KERA: variants seen among roughly 807,000 people sequenced by gnomAD.
The protein encoded by KERA is keratan sulfate proteoglycan keratocan.
KERA carries 25 observed loss-of-function variants against 26.4 expected under a neutral mutation model. That is an observed-to-expected ratio of 0.95 (90% CI 0.69 to 1.32). KERA has a LOEUF of 1.32. KERA is among the 40% of genes most tolerant of loss of function. The probability of loss-of-function intolerance (pLI) is 0.00; values close to 1 mark genes in which losing one functional copy is unlikely to be tolerated. For synonymous variants in KERA, 167 were observed against 146.1 expected (o/e 1.14, Z -1.03); for missense variants, 434 against 408.9 (o/e 1.06, Z -0.53).
Position 91,055,390 on chromosome 12 carries a change from A to G in KERA, c.886+6T>C. The G allele has an allele frequency of 6.2e-7, 1 of 1,608,190 alleles. No individual in the cohort carries two copies. The highest frequency in any genetic ancestry group is 8.5e-7 in the Non-Finnish European group (1 of 1,175,672). Reference sequence around the variant, plus strand: ...TAGTCAAAGACATACTCTGCAGGTTACTTACTTTTAATTTTGTTATGATCA... The same window carrying G: ...TAGTCAAAGACATACTCTGCAGGTTGCTTACTTTTAATTTTGTTATGATCA... On this transcript the variant is annotated splice_donor_region_variant and intron_variant, in intron 2 of 2. Coordinates refer to ENST00000266719, the MANE Select transcript of KERA (RefSeq NM_007035.4).
intron 2 of KERA, among the ~76,000 whole-genome samples, chr12:91,053,677 G>A (rs1182913529): frequency 6.6e-6 from 1 of 151,246 alleles, no homozygotes; most frequent in African/African-American, 2.4e-5. Context: ...ATTTGAGAAC[G>A]ATAGAAAATT....
In KERA at chr12:91,055,924, G is replaced by C. The variant is rs769519108; in HGVS notation, c.358C>G (p.Leu120Val). 2 of 1,611,130 alleles carry C rather than the reference G, an allele frequency of 1.2e-6. No individual in the cohort carries two copies. Among genetic ancestry groups the C allele is most frequent in the African/African-American group, 2.7e-5 (2 of 74,748 alleles). ...AGAAATAAGAAGAGCAACTTCTTCA[G>C]CTGGCTTAGGGCTCCTTTTTCAATT... Reference protein sequence around the residue: ...YGIEKGALSQLKKLLFLFLED... With the variant: ...YGIEKGALSQVKKLLFLFLED... Residue 120 changes from leucine (L) to valine (V), a missense_variant, in exon 2 of 3, where the codon CTG (leucine) becomes GTG (valine). Transcript: ENST00000266719.
chr12:91,053,986 A>G (rs528594115), intron 2 of KERA, among the ~76,000 whole-genome samples: 1 of 151,474 alleles, frequency 6.6e-6, no homozygotes. Context: ...TTATGTATTT[A>G]GGTCAATATT....
intron 2 of KERA, among the ~76,000 whole-genome samples, chr12:91,052,468 A>G (rs1878892029): frequency 6.6e-6 from 1 of 151,648 alleles, no homozygotes; most frequent in Admixed American, 6.6e-5. Context: ...ATATAGATTC[A>G]TATTGTAGTG....
chr12:91,056,039 G>T lies in KERA; in HGVS notation c.243C>A (p.Asn81Lys), dbSNP rs377426809. 15 of 1,609,108 alleles carry T rather than the reference G, an allele frequency of 9.3e-6. No homozygotes were observed. The highest frequency in any genetic ancestry group is 1.3e-5 in the Non-Finnish European group (15 of 1,177,720). The change falls in exon 2 of 3, where the codon AAC (asparagine) becomes AAA (lysine). Residue 81 changes from asparagine to lysine, a missense_variant. Physicochemically the swap from Asn to Lys is moderately conservative, Grantham distance 94. Transcript: ENST00000266719. ...GCTTTTCAGGAATGGTTTCTATCAG[G>T]TTGTTTTGAAGATAAAGATACCAAA... ...SRIWYLYLQN[N>K]LIETIPEKPF...
Position 91,051,492 on chromosome 12 carries a change from T to C in KERA, c.913A>G (p.Ser305Gly), listed in dbSNP as rs1158873053. The C allele has an allele frequency of 7.5e-6, 12 of 1,610,184 alleles. No individual in the cohort carries two copies. The South Asian group carries it at 1.3e-4, about 18-fold the overall frequency. Residue 305 changes from serine (S) to glycine (G), a missense_variant, in exon 3 of 3, where the codon AGC becomes GGC. Coordinates refer to ENST00000266719, the MANE Select transcript of KERA (RefSeq NM_007035.4). ...CGTTCTGCAGGCAGCATGGATGGGC[T>C]GGGACATATTACAGAGACATTCACA... Reference protein sequence around the residue: ...KSVNVSVICPSPSMLPAERDS... With the variant: ...KSVNVSVICPGPSMLPAERDS...
chr12:91,051,739 T>G (rs1454554356), intron 2 of KERA, among the ~76,000 whole-genome samples: 1 of 151,652 alleles, frequency 6.6e-6, no homozygotes, highest in Non-Finnish European at 1.5e-5. Context: ...CATGTTCTGC[T>G]ACTTAGTATA....
At chr12:91,055,243 C>T (rs78457439) in intron 2 of KERA, among the ~76,000 whole-genome samples, 153 bp downstream of exon 2, 4,003 of 150,794 alleles carry the variant, frequency 0.027, 183 homozygotes, top group African/African-American at 0.091. Flanking sequence ...TGCGTATAGA[C>T]AAAATTTAAT....
Position 91,051,361 on chromosome 12 carries a change from C to T in KERA, c.1044G>A (p.Gln348=), listed in dbSNP as rs572659842. The change falls in exon 3 of 3, where the codon CAG becomes CAA. Residue 348 remains glutamine, a synonymous_variant. Transcript: ENST00000266719. ...MALMTCFRLL[Q]AVII ...GAGAATGTGTTTAAATAATGACAGC[C>T]TGCAGAAGTCTGAAGCAGGTCATTA... 1.9e-5 allele frequency: 31 copies of T among 1,610,838 alleles called. No homozygotes were observed. Among genetic ancestry groups the T allele is most frequent in the South Asian group, 8.8e-5 (8 of 91,034 alleles).
rs1177047666 is a variant in KERA, at chr12:91,056,010, A to T, written c.272T>A (p.Phe91Tyr). The stretch of plus-strand genomic sequence containing the variant: ...CCATCTTAGCTGGGTGGCATTCTCA[A>T]ATGGCTTTTCAGGAATGGTTTCTAT... ...NLIETIPEKP[F>Y]ENATQLRWIN... The change falls in exon 2 of 3, where the codon TTT becomes TAT. Residue 91 changes from phenylalanine (F) to tyrosine (Y), a missense_variant. Coordinates refer to ENST00000266719, the MANE Select transcript of KERA (RefSeq NM_007035.4). 4 of 1,610,236 alleles carry T rather than the reference A, an allele frequency of 2.5e-6. No homozygotes were observed. Among genetic ancestry groups the T allele is most frequent in the Non-Finnish European group, 3.4e-6 (4 of 1,177,996 alleles).
rs1212371787 is a variant in KERA, at chr12:91,058,023, T to C, written c.-288A>G. ...GTCACTGCTTGTACATGGTAATGGA[T>C]TGACCCAGGCTCCACTGTCGTGTTT... On this transcript the variant is annotated 5_prime_UTR_variant, in exon 1 of 3. Transcript: ENST00000266719. 6.6e-6 allele frequency: 1 copy of C among 151,108 alleles called. No individual in the cohort carries two copies. The highest frequency in any genetic ancestry group is 1.9e-4 in the East Asian group (1 of 5,130). 9.4% of individuals were successfully genotyped at this position (151,108 alleles called of 1,614,324 possible). A position where few individuals can be genotyped will look rare whatever the true frequency, so the allele number is the denominator to read the frequency against.
In KERA at chr12:91,055,399, T is replaced by C. The variant is rs753895529; in HGVS notation, c.883A>G (p.Lys295Glu). ...QHLHLDHNKI[K>E]SVNVSVICPS... ...ACATACTCTGCAGGTTACTTACTTT[T>C]AATTTTGTTATGATCAAGGTGAAGG... Residue 295 changes from lysine to glutamate, a missense_variant, in exon 2 of 3, where the codon AAA (lysine) becomes GAA (glutamate). Transcript: ENST00000266719. The C allele has an allele frequency of 2.5e-6, 4 of 1,609,706 alleles. No individual in the cohort carries two copies. The African/African-American group carries it at 5.4e-5, about 22-fold the overall frequency.
Position 91,055,669 on chromosome 12 carries a change from T to G in KERA, c.613A>C (p.Arg205=), listed in dbSNP as rs978646549. 2 of 1,611,418 alleles carry G rather than the reference T, an allele frequency of 1.2e-6. No individual in the cohort carries two copies. Among genetic ancestry groups the G allele is most frequent in the African/African-American group, 2.7e-5 (2 of 74,786 alleles). The change falls in exon 2 of 3, where the codon AGG becomes CGG. Residue 205 remains arginine (R), a synonymous_variant. Transcript: ENST00000266719. ...GCTGGTAATCTTGGAGGCATATTCCTCAGGGCATTCTTGGCCATGTTTAGC... is the reference window on the plus strand; with the variant it reads ...GCTGGTAATCTTGGAGGCATATTCCGCAGGGCATTCTTGGCCATGTTTAGC... The part of the protein sequence containing the change: ...MQLNMAKNAL[R]NMPPRLPANT...
intron 2 of KERA, 30 bp from the exon 3 acceptor site, chr12:91,051,548 A>C: frequency 1.3e-6 from 2 of 1,535,916 alleles, no homozygotes; most frequent in Non-Finnish European, 1.8e-6. Flanking sequence ...AGATGAATGA[A>C]TTGGAACACA....
At chr12:91,055,309 A>G in intron 2 of KERA, 87 bp downstream of exon 2, 1 of 1,188,764 alleles carries the variant, frequency 8.4e-7, no homozygotes, top group South Asian at 1.3e-5. Flanking sequence ...GGGAGGGGGC[A>G]ACACATTTGC....
chr12:91,050,525 T>C lies in KERA; in HGVS notation c.*821A>G, dbSNP rs1878839517. On this transcript the variant is annotated 3_prime_UTR_variant, in exon 3 of 3. Transcript: ENST00000266719. The stretch of plus-strand genomic sequence containing the variant: ...AAACATGTTCTTTAATGAAGCTTGC[T>C]AATTTCTTTGAAATATTCTGTTTTG... The C allele has an allele frequency of 6.6e-6, 1 of 151,886 alleles. No homozygotes were observed. The highest frequency in any genetic ancestry group is 1.5e-5 in the Non-Finnish European group (1 of 67,716). 9.4% of individuals were successfully genotyped at this position (151,886 alleles called of 1,614,324 possible).
At position 91,051,344 on chromosome 12, in the gene KERA, G is replaced by A; in HGVS notation, c.*2C>T. Reference sequence around the variant, plus strand: ...CTAATTTTAGATTTGGTGAGAATGTGTTTAAATAATGACAGCCTGCAGAAG... The same window carrying A: ...CTAATTTTAGATTTGGTGAGAATGTATTTAAATAATGACAGCCTGCAGAAG... On this transcript the variant is annotated 3_prime_UTR_variant, in exon 3 of 3. Transcript: ENST00000266719. 5.0e-6 allele frequency: 8 copies of A among 1,609,300 alleles called. No homozygotes were observed. The highest frequency in any genetic ancestry group is 6.8e-6 in the Non-Finnish European group (8 of 1,176,508).
At chr12:91,056,641 A>C (rs1033657746) in intron 1 of KERA, among the ~76,000 whole-genome samples, 3 of 151,274 alleles carry the variant, frequency 2.0e-5, no homozygotes, top group Non-Finnish European at 4.4e-5. Context: ...AGTACAAAAA[A>C]GTGATCTTTT....
intron 2 of KERA, among the ~76,000 whole-genome samples, chr12:91,055,111 GGA>G (rs143355516): frequency 0.03 from 4,587 of 151,154 alleles, 71 homozygotes; most frequent in African/African-American, 0.035. Flanking sequence ...GGAATCTCCT[GGA>G]GTAAAAGAAG....
Sources: gnomAD v4.1 joint callset for allele counts (sites outside exome capture counted in the v4.1 genomes callset) on GRCh38, gnomAD v4.1.1 for gene constraint, MANE v1.5 for transcripts, NCBI Gene and HGNC (gene_info 2026-07-23, HGNC 2026-07-21) for gene names.